KCNB2: variants seen among roughly 807,000 people sequenced by gnomAD.
KCNB2 encodes the protein potassium voltage-gated channel subfamily B member 2.
KCNB2 carries 15 observed loss-of-function variants against 61.5 expected under a neutral mutation model. That is an observed-to-expected ratio of 0.24 (90% CI 0.16 to 0.38). The LOEUF is 0.38. Ranked by LOEUF, KCNB2 falls within the 10% of genes least tolerant of loss-of-function variation. The pLI is 1.00. For synonymous variants in KCNB2, 457 were observed against 446.0 expected, an observed-to-expected ratio of 1.02 and a Z score of -0.31; for missense variants, 828 against 1,125.2, an observed-to-expected ratio of 0.74 and a Z score of 3.78.
intron 2 of KCNB2, among the ~76,000 whole-genome samples, chr8:72,676,616 T>A (rs1563556477): frequency 6.6e-6 from 1 of 151,736 alleles, no homozygotes; most frequent in East Asian, 1.9e-4. Flanking sequence ...GAATTTACAT[T>A]TAAATATTAG....
rs543138286 is a variant in KCNB2, at chr8:72,752,471, G to T, written c.580-183464G>T. 2.0e-5 allele frequency among the ~76,000 whole-genome samples: 3 copies of T among 152,206 alleles called. No individual in the cohort carries two copies. In the East Asian group the frequency reaches 5.8e-4, roughly 29 times the overall value. On this transcript the variant is annotated intron_variant, in intron 2 of 2. Transcript: ENST00000523207. Reference sequence around the variant, plus strand: ...GAACAATATGCAGAGGAAGGAATTTGTCCTTCTTTTCTCCCTCACTGCTGG... The same window carrying T: ...GAACAATATGCAGAGGAAGGAATTTTTCCTTCTTTTCTCCCTCACTGCTGG...
intron 2 of KCNB2, among the ~76,000 whole-genome samples, chr8:72,687,369 C>T (rs1806868960): frequency 6.6e-6 from 1 of 152,064 alleles, no homozygotes; most frequent in Admixed American, 6.6e-5. Context: ...ATTTTCCTTG[C>T]TAAAATGTAA....
intron 2 of KCNB2, among the ~76,000 whole-genome samples, chr8:72,732,781 C>T (rs1165355755): frequency 1.3e-5 from 2 of 152,098 alleles, no homozygotes; most frequent in Non-Finnish European, 2.9e-5. Flanking sequence ...GTAAGAGCAT[C>T]TTGTACCTCT....
chr8:72,635,910 G>A (rs1025346236), intron 2 of KCNB2, among the ~76,000 whole-genome samples: 4 of 152,140 alleles, frequency 2.6e-5, no homozygotes, highest in African/African-American at 2.4e-5. Flanking sequence ...CTACCTACTC[G>A]TTGTGTTACT....
intron 2 of KCNB2, among the ~76,000 whole-genome samples, chr8:72,579,064 G>A (rs564869167): frequency 6.6e-6 from 1 of 152,248 alleles, no homozygotes; most frequent in East Asian, 1.9e-4. Flanking sequence ...GCCCAAATAA[G>A]GAAATGTCTT....
intron 2 of KCNB2, among the ~76,000 whole-genome samples, chr8:72,927,680 A>G (rs1330096053): frequency 2.0e-5 from 3 of 152,234 alleles, no homozygotes; most frequent in African/African-American, 4.8e-5. Context: ...CACAAAACAT[A>G]GAGGCATCAT....
chr8:72,870,315 G>C (rs932376668), intron 2 of KCNB2, among the ~76,000 whole-genome samples: 1 of 152,150 alleles, frequency 6.6e-6, no homozygotes, highest in African/African-American at 2.4e-5. Flanking sequence ...CACTTATTTT[G>C]TTAAGAGGGT....
At chr8:72,834,405 T>A (rs115837295) in intron 2 of KCNB2, among the ~76,000 whole-genome samples, 202 of 152,326 alleles carry the variant, frequency 1.3e-3, no homozygotes, top group African/African-American at 4.5e-3. Flanking sequence ...AGACAGGGCA[T>A]GAACTTGGGT....
chr8:72,811,485 T>C (rs1809304913), intron 2 of KCNB2, among the ~76,000 whole-genome samples: 1 of 152,220 alleles, frequency 6.6e-6, no homozygotes, highest in Admixed American at 6.5e-5. Flanking sequence ...TCTTTGAGAA[T>C]ACTATCCTAA....
At chr8:72,579,093 T>C (rs1004922487) in intron 2 of KCNB2, among the ~76,000 whole-genome samples, 12 of 152,196 alleles carry the variant, frequency 7.9e-5, no homozygotes, top group African/African-American at 2.7e-4. Context: ...CCTTCAGCCA[T>C]GATTTTATTT....
intron 2 of KCNB2, among the ~76,000 whole-genome samples, chr8:72,662,682 A>G (rs1806399964): frequency 1.3e-5 from 2 of 152,122 alleles, no homozygotes; most frequent in Admixed American, 1.3e-4. Context: ...CATCCTACTT[A>G]TGGAGGTCAC....
At chr8:72,872,322 G>C (rs1805631719) in intron 2 of KCNB2, among the ~76,000 whole-genome samples, 1 of 152,204 alleles carries the variant, frequency 6.6e-6, no homozygotes. Flanking sequence ...CAGGCAAATA[G>C]CTCTGTCAGA....
chr8:72,810,369 G>A (rs945156228), intron 2 of KCNB2, among the ~76,000 whole-genome samples: 1 of 152,188 alleles, frequency 6.6e-6, no homozygotes, highest in Non-Finnish European at 1.5e-5. Flanking sequence ...AGAGATTTGT[G>A]ATCACTGTCA....
chr8:72,664,917 C>A (rs1344619028), intron 2 of KCNB2, among the ~76,000 whole-genome samples: 2 of 152,048 alleles, frequency 1.3e-5, no homozygotes, highest in Non-Finnish European at 2.9e-5. Flanking sequence ...ACAGCAAAGA[C>A]AAAAGCCCGT....
chr8:72,611,956 T>C (rs1411881145), intron 2 of KCNB2, among the ~76,000 whole-genome samples: 4 of 152,074 alleles, frequency 2.6e-5, no homozygotes, highest in Non-Finnish European at 5.9e-5. Context: ...CTGAAACATG[T>C]TAAAAAAATC....
chr8:72,670,730 A>T (rs1026018679), intron 2 of KCNB2, among the ~76,000 whole-genome samples: 7 of 152,234 alleles, frequency 4.6e-5, no homozygotes, highest in Non-Finnish European at 1.0e-4. Context: ...CCTGGCTTTA[A>T]GGTATATCTC....
chr8:72,820,104 C>T (rs1483931715), intron 2 of KCNB2, among the ~76,000 whole-genome samples: 1 of 152,124 alleles, frequency 6.6e-6, no homozygotes, highest in Non-Finnish European at 1.5e-5. Flanking sequence ...CCTTCCTCCT[C>T]CAGAAAGTAC....
intron 2 of KCNB2, among the ~76,000 whole-genome samples, chr8:72,764,535 C>A (rs1808432858): frequency 6.6e-6 from 1 of 152,174 alleles, no homozygotes; most frequent in Admixed American, 6.5e-5. Flanking sequence ...ACTTGGCATC[C>A]AGTTCTAAGT....
At chr8:72,642,527 C>T (rs1485981143) in intron 2 of KCNB2, among the ~76,000 whole-genome samples, 1 of 152,078 alleles carries the variant, frequency 6.6e-6, no homozygotes, top group African/African-American at 2.4e-5. Context: ...CAGTACCTTA[C>T]ATGACTGGGT....
Sources: allele counts gnomAD v4.1 joint callset (sites outside exome capture counted in the v4.1 genomes callset), GRCh38; gene constraint gnomAD v4.1.1; transcripts MANE v1.5; gene names NCBI Gene and HGNC (gene_info 2026-07-23, HGNC 2026-07-21).